Variants in RPN1 observed in about 807,000 individuals in gnomAD.
The protein encoded by RPN1 is dolichyl-diphosphooligosaccharide--protein glycosyltransferase subunit 1.
Under a neutral mutation model 55.5 loss-of-function variants are expected in RPN1, and 12 were observed. The ratio of observed to expected loss-of-function variants is 0.22; its 90% CI spans 0.14 to 0.35. The LOEUF (loss-of-function observed/expected upper bound fraction) is 0.35. RPN1 is among the 10% of genes least tolerant of loss of function. The pLI, the probability that RPN1 is intolerant of heterozygous loss-of-function variation, is 1.00. For synonymous variants in RPN1, 317 were observed against 305.9 expected, an observed-to-expected ratio of 1.04 and a Z score of -0.38; for missense variants, 679 against 761.3, an observed-to-expected ratio of 0.89 and a Z score of 1.27.
intron 4 of RPN1, among the ~76,000 whole-genome samples, 153 bp from the exon 5 acceptor site, chr3:128,630,296 T>A (rs80242694): frequency 1.3e-5 from 2 of 152,190 alleles, no homozygotes; most frequent in Non-Finnish European, 2.9e-5. Flanking sequence ...AAGTCTAACT[T>A]TCCCCACAAA....
At chr3:128,643,522 C>T (rs897889473) in intron 2 of RPN1, among the ~76,000 whole-genome samples, 7 of 151,498 alleles carry the variant, frequency 4.6e-5, no homozygotes, top group Non-Finnish European at 1.0e-4. Flanking sequence ...ACTTGTGGGG[C>T]ACGGTGGCTC....
intron 2 of RPN1, chr3:128,644,471 C>T (rs1465792611): frequency 3.6e-6 from 1 of 281,280 alleles, no homozygotes; most frequent in African/African-American, 2.3e-5. Context: ...TGGCAAAACC[C>T]GGTGTCTACT....
At chr3:128,644,428 G>C (rs1436057017) in intron 2 of RPN1, 1 of 292,204 alleles carries the variant, frequency 3.4e-6, no homozygotes, top group African/African-American at 2.2e-5. Context: ...AGAACTGCTT[G>C]AGGACAGGAG....
chr3:128,644,896 AG>A (rs778478268), intron 2 of RPN1, 22 bp downstream of exon 2: 16 of 1,306,600 alleles, frequency 1.2e-5, no homozygotes, highest in Non-Finnish European at 1.8e-5. Context: ...ACAAGAGACA[AG>A]GTATATTGTT....
At position 128,624,482 on chromosome 3, in the gene RPN1, G is replaced by GAA. The variant is rs1349550876; in HGVS notation, c.1395+1050_1395+1051dup. 6.6e-3 allele frequency among the ~76,000 whole-genome samples: 853 copies of GAA among 129,250 alleles called. 6 individuals are homozygous for GAA. Among genetic ancestry groups the GAA allele is most frequent in the African/African-American group, 0.022 (779 of 35,314 alleles). The allele number at this position is 129,250 out of a possible 152,430, so 84.8% of individuals were successfully genotyped here. ...GCAACAGAGCAAGACTCCGTCTCAGGAAAAAAAAAAAAGAAAACGAAAAGA... is the reference window on the plus strand; with the variant it reads ...GCAACAGAGCAAGACTCCGTCTCAGGAAAAAAAAAAAAAAGAAAACGAAAAGA... On this transcript the variant is annotated intron_variant, in intron 8 of 9. Transcript: ENST00000296255.
chr3:128,629,911 A>G (rs2069629456), intron 5 of RPN1, 40 bp downstream of exon 5: 1 of 1,171,934 alleles, frequency 8.5e-7, no homozygotes, highest in Non-Finnish European at 1.2e-6. Context: ...TCACGAAATT[A>G]AAGAAAAGGT....
intron 1 of RPN1, among the ~76,000 whole-genome samples, chr3:128,649,314 T>A (rs1156709917): frequency 6.6e-6 from 1 of 152,220 alleles, no homozygotes; most frequent in East Asian, 1.9e-4. Context: ...CCTGCTGTGG[T>A]CCACTTATAC....
intron 7 of RPN1, 30 bp from the exon 8 acceptor site, chr3:128,625,683 G>A (rs373967839): frequency 2.3e-5 from 37 of 1,613,084 alleles, no homozygotes; most frequent in African/African-American, 4.0e-5. Flanking sequence ...AGGCTTCATC[G>A]GGGCTGTAGG....
intron 8 of RPN1, among the ~76,000 whole-genome samples, chr3:128,624,950 G>A (rs1375729576): frequency 6.6e-6 from 1 of 152,168 alleles, no homozygotes; most frequent in Non-Finnish European, 1.5e-5. Flanking sequence ...CCTGGTACTA[G>A]TGCCTACCCT....
intron 2 of RPN1, among the ~76,000 whole-genome samples, chr3:128,640,571 T>C (rs1204373195): frequency 6.6e-6 from 1 of 152,228 alleles, no homozygotes; most frequent in Admixed American, 6.5e-5. Context: ...AAATGTTTAC[T>C]AGACAGCTCC....
chr3:128,622,036 A>AT, intron 9 of RPN1, 128 bp downstream of exon 9: 2 of 907,850 alleles, frequency 2.2e-6, no homozygotes, highest in Non-Finnish European at 3.3e-6. Flanking sequence ...ATGAAAAGTT[A>AT]TGGCCAGATG....
At chr3:128,642,238 T>C (rs2069731339) in intron 2 of RPN1, 1 of 152,188 alleles carries the variant, frequency 6.6e-6, no homozygotes, top group Admixed American at 6.6e-5. Flanking sequence ...AGATGCCTAC[T>C]TCATACACTC....
At chr3:128,625,477 C>G in intron 8 of RPN1, 57 bp downstream of exon 8, 1 of 1,613,056 alleles carries the variant, frequency 6.2e-7, no homozygotes, top group Non-Finnish European at 8.5e-7. Flanking sequence ...AGTGCTCAAG[C>G]TGGTGAAATA....
At chr3:128,629,924 G>A (rs779756317) in intron 5 of RPN1, 27 bp downstream of exon 5, 4 of 1,318,946 alleles carry the variant, frequency 3.0e-6, no homozygotes, top group Non-Finnish European at 4.3e-6. Context: ...GAAAAGGTTA[G>A]TTTCTCCCTT....
At chr3:128,630,770 G>A (rs368529602) in intron 4 of RPN1, among the ~76,000 whole-genome samples, 21 of 152,298 alleles carry the variant, frequency 1.4e-4, no homozygotes, top group East Asian at 1.2e-3. Context: ...TTTGGGTGGC[G>A]CAGTACTATG....
chr3:128,626,413 CG>C, intron 6 of RPN1, among the ~76,000 whole-genome samples: 1 of 152,266 alleles, frequency 6.6e-6, no homozygotes, highest in South Asian at 2.1e-4. Context: ...GAGCTTCTTA[CG>C]GGGCAGGGGA....
chr3:128,621,113 C>T (rs776590579), intron 9 of RPN1, among the ~76,000 whole-genome samples: 12 of 152,192 alleles, frequency 7.9e-5, no homozygotes, highest in Non-Finnish European at 1.2e-4. Context: ...GCGCGCGGCA[C>T]AATTCTAGGT....
chr3:128,643,064 C>T (rs2069738151), intron 2 of RPN1, among the ~76,000 whole-genome samples: 2 of 151,246 alleles, frequency 1.3e-5, no homozygotes, highest in Admixed American at 1.3e-4. Flanking sequence ...CAGTGGCTCA[C>T]ACCTGTAATC....
At chr3:128,645,600 C>T (rs1014092021) in intron 1 of RPN1, among the ~76,000 whole-genome samples, 9 of 151,946 alleles carry the variant, frequency 5.9e-5, no homozygotes, top group African/African-American at 9.7e-5. Context: ...GGGAGGATCA[C>T]CAGGTCAGGA....
Sources: allele counts gnomAD v4.1 joint callset (sites outside exome capture counted in the v4.1 genomes callset), GRCh38; gene constraint gnomAD v4.1.1; transcripts MANE v1.5; gene names NCBI Gene and HGNC (gene_info 2026-07-23, HGNC 2026-07-21).